Variants in STK32C observed in about 807,000 individuals in gnomAD.
STK32C encodes the protein serine/threonine kinase 32C.
In STK32C, 31 loss-of-function variants were observed where a neutral mutation model predicts 56.5. The ratio of observed to expected loss-of-function variants is 0.55; its 90% CI spans 0.41 to 0.74. The LOEUF is 0.74. STK32C is among the 30% of genes least tolerant of loss of function. The pLI is 0.00. For missense variants in STK32C, 544 were observed against 676.9 expected (o/e 0.80, Z 2.18); for synonymous variants, 309 against 289.4 (o/e 1.07, Z -0.69).
chr10:132,238,587 A>T lies in STK32C; in HGVS notation c.318+7313T>A, dbSNP rs564656999. Among the ~76,000 whole-genome samples, 6 of 152,094 alleles carry T rather than the reference A, an allele frequency of 3.9e-5. No homozygotes were observed. In the South Asian group the frequency reaches 1.0e-3, roughly 26 times the overall value. ...GGTCCTGAGGTGATTCATGCAGGGG[A>T]TGTGGGCTCAAGCCTGGGAAAGCAT... On this transcript the variant is annotated intron_variant, in intron 2 of 11. Coordinates refer to ENST00000298630, the MANE Select transcript of STK32C (RefSeq NM_173575.4).
At chr10:132,271,916 C>T (rs981734744) in intron 1 of STK32C, among the ~76,000 whole-genome samples, 1 of 152,264 alleles carries the variant, frequency 6.6e-6, no homozygotes, top group Non-Finnish European at 1.5e-5. Context: ...AACACCACTG[C>T]TCAGTGCCCG....
In STK32C at chr10:132,234,755, C is replaced by CA. The variant is rs749464373; in HGVS notation, c.319-6628_319-6627insT. Among the ~76,000 whole-genome samples, 8 of 152,334 alleles carry CA rather than the reference C, an allele frequency of 5.3e-5. No homozygotes were observed. In the East Asian group the frequency reaches 1.5e-3, roughly 29 times the overall value. The stretch of plus-strand genomic sequence containing the variant: ...TCGAGCCTGTGGCTCTCATGAGCTG[C>CA]TGGGGGGGCCTTGGGGGTTGGAGGT... On this transcript the variant is annotated intron_variant, in intron 2 of 11. Transcript: ENST00000298630.
intron 1 of STK32C, among the ~76,000 whole-genome samples, chr10:132,327,485 T>TA (rs1420640205): frequency 1.3e-5 from 2 of 152,130 alleles, no homozygotes; most frequent in Non-Finnish European, 2.9e-5. Context: ...AACAAATTTT[T>TA]TTTTTTTTGA....
rs927471276 is a variant in STK32C at position 132,255,328 on chromosome 10, G to A, written c.263-9373C>T. Among the ~76,000 whole-genome samples the A allele has an allele frequency of 6.6e-6, 1 of 152,102 alleles. No homozygotes were observed. Among genetic ancestry groups the A allele is most frequent in the Admixed American group, 6.5e-5 (1 of 15,268 alleles). On this transcript the variant is annotated intron_variant, in intron 1 of 11. Coordinates refer to ENST00000298630, the MANE Select transcript of STK32C (RefSeq NM_173575.4). The surrounding 1 kb of genome is among the most constrained non-coding windows in gnomAD (Gnocchi z 4.6). ...GGAACCGGCCCGATAGCTCCTCCTGGCAATGGGTGCCCCCCACTCCCACTC... is the reference window on the plus strand; with the variant it reads ...GGAACCGGCCCGATAGCTCCTCCTGACAATGGGTGCCCCCCACTCCCACTC...
rs983245575 is a variant in STK32C, at chr10:132,255,343, C to G, written c.263-9388G>C. On this transcript the variant is annotated intron_variant, in intron 1 of 11. Transcript: ENST00000298630. The surrounding 1 kb of genome is among the most constrained non-coding windows in gnomAD (Gnocchi z 4.6). ...GCTCCTCCTGGCAATGGGTGCCCCC[C>G]ACTCCCACTCCTCAGGTGCCCTGGC... Among the ~76,000 whole-genome samples, 2 of 152,164 alleles carry G rather than the reference C, an allele frequency of 1.3e-5. No individual in the cohort carries two copies. Among genetic ancestry groups the G allele is most frequent in the Admixed American group, 6.5e-5 (1 of 15,278 alleles).
At chr10:132,314,466 G>A (rs929758635) in intron 1 of STK32C, among the ~76,000 whole-genome samples, 1 of 152,116 alleles carries the variant, frequency 6.6e-6, no homozygotes, top group African/African-American at 2.4e-5. Context: ...ACAACCCATG[G>A]GACACAAGGA....
Position 132,207,960 on chromosome 10 carries a change from A to G in STK32C, c.*50T>C. The stretch of plus-strand genomic sequence containing the variant: ...CTCGGCCCATGGCCCTCCCTCTGGC[A>G]GCCGAGTCTCCAAAGCAGCTCAAGG... On this transcript the variant is annotated 3_prime_UTR_variant, in exon 12 of 12. Transcript: ENST00000298630. The G allele has an allele frequency of 7.8e-7, 1 of 1,277,808 alleles. No homozygotes were observed. The highest frequency in any genetic ancestry group is 3.6e-5 in the Admixed American group (1 of 27,514). The allele number at this position is 1,277,808 out of a possible 1,614,324, so 79.2% of individuals were successfully genotyped here.
intron 10 of STK32C, among the ~76,000 whole-genome samples, chr10:132,220,152 G>A (rs1445333518): frequency 1.3e-5 from 2 of 152,226 alleles, no homozygotes; most frequent in Non-Finnish European, 2.9e-5. Context: ...GATAAGATGG[G>A]GCCATACTGG....
In STK32C at chr10:132,325,170, T is replaced by C. The variant is rs2066471591; in HGVS notation, c.302-797A>G. Among the ~76,000 whole-genome samples, 3 of 152,090 alleles carry C rather than the reference T, an allele frequency of 2.0e-5. No individual in the cohort carries two copies. The South Asian group carries it at 6.2e-4, about 32-fold the overall frequency. ...CCCACATGTTGTGGGAGGGACCCGG[T>C]GGGAGGTAACTGAATCATGGGGACA... On this transcript the variant is annotated intron_variant, in intron 1 of 1. Coordinates refer to the STK32C transcript ENST00000368619.
intron 1 of STK32C, among the ~76,000 whole-genome samples, chr10:132,266,237 C>T (rs1217709554): frequency 6.6e-6 from 1 of 152,180 alleles, no homozygotes; most frequent in African/African-American, 2.4e-5. Flanking sequence ...TTTACAAGAG[C>T]GCGTCGTGCG....
chr10:132,251,854 G>C (rs112982007), intron 1 of STK32C, among the ~76,000 whole-genome samples: 1 of 94,290 alleles, frequency 1.1e-5, no homozygotes. Flanking sequence ...AATGCCCTAC[G>C]CCTCCTGGGG....
chr10:132,244,469 G>A (rs961437912), intron 2 of STK32C, among the ~76,000 whole-genome samples: 7 of 152,200 alleles, frequency 4.6e-5, no homozygotes, highest in African/African-American at 9.6e-5. Flanking sequence ...CAGCAGAGGC[G>A]GGGGCAACAG....
chr10:132,272,942 G>A (rs942394220), intron 1 of STK32C, among the ~76,000 whole-genome samples: 5 of 152,094 alleles, frequency 3.3e-5, no homozygotes, highest in Non-Finnish European at 5.9e-5. Context: ...CCCACCATGC[G>A]GCCTGTGCAC....
chr10:132,270,801 C>G (rs12782156), intron 1 of STK32C, among the ~76,000 whole-genome samples: 32,153 of 152,112 alleles, frequency 0.21, 4,188 homozygotes, highest in Non-Finnish European at 0.31. Flanking sequence ...ATCCTGGCCA[C>G]GGTGAGGCTG....
intron 1 of STK32C, among the ~76,000 whole-genome samples, chr10:132,258,397 G>A (rs1476567921): frequency 1.3e-5 from 2 of 152,238 alleles, no homozygotes; most frequent in Non-Finnish European, 2.9e-5. Context: ...AATGGAAAGC[G>A]TGGCCCTGGC....
chr10:132,267,868 T>C (rs541732400), intron 1 of STK32C, among the ~76,000 whole-genome samples: 8 of 142,630 alleles, frequency 5.6e-5, no homozygotes, highest in Non-Finnish European at 1.1e-4. Context: ...TTCAGCTCTA[T>C]GCCTGTCTGT....
intron 1 of STK32C, chr10:132,330,465 A>G: frequency 1.4e-6 from 1 of 717,094 alleles, no homozygotes; most frequent in Non-Finnish European, 2.6e-6. Flanking sequence ...CTGAGAAGGT[A>G]CTGGTTGTGC....
At chr10:132,248,353 C>T (rs75909345) in intron 1 of STK32C, among the ~76,000 whole-genome samples, 1 of 152,212 alleles carries the variant, frequency 6.6e-6, no homozygotes, top group Non-Finnish European at 1.5e-5. Context: ...CAGGACAGAC[C>T]TCGGAGTCTG....
At chr10:132,261,180 AT>A (rs2064294134) in intron 1 of STK32C, among the ~76,000 whole-genome samples, 1 of 151,114 alleles carries the variant, frequency 6.6e-6, no homozygotes, top group African/African-American at 2.5e-5. Context: ...GGCCTTGGAG[AT>A]GATCACTGCT....
Sources: allele counts gnomAD v4.1 joint callset (sites outside exome capture counted in the v4.1 genomes callset), GRCh38; gene constraint gnomAD v4.1.1; non-coding constraint Gnocchi (gnomAD v3.1); transcripts MANE v1.5; gene names NCBI Gene and HGNC (gene_info 2026-07-23, HGNC 2026-07-21).